Variants in UST observed in about 807,000 individuals in gnomAD.
UST encodes uronyl 2-sulfotransferase.
In UST, 21 loss-of-function variants were observed where a neutral mutation model predicts 45.6. The observed-to-expected ratio is 0.46, with a 90% CI of 0.33 to 0.66. The LOEUF (loss-of-function observed/expected upper bound fraction) is 0.66. Ranked by LOEUF, UST falls within the 30% of genes least tolerant of loss-of-function variation. The pLI is 0.02. For missense variants in UST, 463 were observed against 512.4 expected, an observed-to-expected ratio of 0.90 and a Z score of 0.93; for synonymous variants, 215 against 200.6, an observed-to-expected ratio of 1.07 and a Z score of -0.61.
intron 1 of UST, among the ~76,000 whole-genome samples, chr6:148,824,531 T>A (rs897324051): frequency 6.6e-6 from 1 of 152,104 alleles, no homozygotes; most frequent in Non-Finnish European, 1.5e-5. Flanking sequence ...TTCTGACACA[T>A]CCAATCACCA....
At chr6:149,012,251 C>G (rs1034440262) in intron 5 of UST, among the ~76,000 whole-genome samples, 6 of 152,188 alleles carry the variant, frequency 3.9e-5, no homozygotes, top group Non-Finnish European at 7.4e-5. Flanking sequence ...CTGCCACTTT[C>G]CAATCCATTA....
At chr6:148,924,434 A>G (rs561548346) in intron 2 of UST, among the ~76,000 whole-genome samples, 5 of 152,160 alleles carry the variant, frequency 3.3e-5, no homozygotes, top group Admixed American at 2.0e-4. Context: ...CCTCGGGCAC[A>G]CAGTAGGAAG....
At chr6:148,951,540 G>A (rs2114936503) in intron 3 of UST, among the ~76,000 whole-genome samples, 1 of 152,288 alleles carries the variant, frequency 6.6e-6, no homozygotes, top group East Asian at 1.9e-4. Flanking sequence ...GCTCGTTGGT[G>A]ATTTTAGGTG....
intron 7 of UST, among the ~76,000 whole-genome samples, chr6:149,041,086 C>CACG (rs1415014894): frequency 6.6e-6 from 1 of 152,200 alleles, no homozygotes; most frequent in Admixed American, 6.5e-5. Context: ...AAAGAAATTT[C>CACG]CTGAGGGAGA....
intron 7 of UST, among the ~76,000 whole-genome samples, chr6:149,071,521 T>C (rs956906373): frequency 1.3e-5 from 2 of 152,094 alleles, no homozygotes; most frequent in African/African-American, 4.8e-5. Flanking sequence ...GATAAAATGG[T>C]CTCCATTACA....
intron 5 of UST, among the ~76,000 whole-genome samples, chr6:149,011,036 G>A (rs893242637): frequency 2.0e-5 from 3 of 151,672 alleles, no homozygotes; most frequent in African/African-American, 7.3e-5. Context: ...AAGTGTTTCA[G>A]TTTCAGAATT....
intron 2 of UST, among the ~76,000 whole-genome samples, chr6:148,887,677 A>G (rs1180444711): frequency 6.6e-6 from 1 of 152,240 alleles, no homozygotes; most frequent in Non-Finnish European, 1.5e-5. Flanking sequence ...CATGCAATGC[A>G]ATTACCCTTT....
chr6:148,837,864 AG>A (rs2114768063), intron 1 of UST, among the ~76,000 whole-genome samples: 2 of 152,092 alleles, frequency 1.3e-5, no homozygotes, highest in South Asian at 4.2e-4. Flanking sequence ...CACCATGCCC[AG>A]CTAAATTTTG....
At chr6:149,045,238 A>AT (rs1776381280) in intron 7 of UST, among the ~76,000 whole-genome samples, 1 of 152,168 alleles carries the variant, frequency 6.6e-6, no homozygotes, top group African/African-American at 2.4e-5. Flanking sequence ...GAAATTTGTC[A>AT]TTTTTTGTGA....
chr6:148,905,409 A>G (rs1275520273), intron 2 of UST, among the ~76,000 whole-genome samples: 3 of 152,122 alleles, frequency 2.0e-5, no homozygotes, highest in Admixed American at 1.3e-4. Context: ...CTTGACCTTC[A>G]GCTCCCCTTC....
At chr6:149,035,583 G>A (rs1776229281) in intron 7 of UST, among the ~76,000 whole-genome samples, 1 of 151,804 alleles carries the variant, frequency 6.6e-6, no homozygotes, top group Non-Finnish European at 1.5e-5. Flanking sequence ...GGTGAAACCT[G>A]TCTCTACAAA....
intron 1 of UST, among the ~76,000 whole-genome samples, chr6:148,817,766 G>C (rs947913362): frequency 3.9e-5 from 6 of 152,232 alleles, no homozygotes; most frequent in Admixed American, 2.0e-4. Context: ...CCTAAGGTCT[G>C]TGTTGAGATG....
chr6:148,968,838 CCATCCT>C (rs1488678192), intron 5 of UST, among the ~76,000 whole-genome samples: 3 of 152,332 alleles, frequency 2.0e-5, no homozygotes, highest in African/African-American at 7.2e-5. Flanking sequence ...CTTCACTAGG[CCATCCT>C]CCATTTGAAG....
intron 1 of UST, among the ~76,000 whole-genome samples, chr6:148,871,117 C>CCTCTCTTCTCT (rs1778544076): frequency 1.0e-5 from 1 of 97,586 alleles, no homozygotes; most frequent in Non-Finnish European, 1.9e-5. Context: ...GCATTCTCTC[C>CCTCTCTTCTCT]CTCTCTCTCT....
intron 1 of UST, among the ~76,000 whole-genome samples, chr6:148,875,069 A>G (rs1409196265): frequency 1.3e-5 from 2 of 152,254 alleles, no homozygotes; most frequent in Admixed American, 6.5e-5. Flanking sequence ...GCTTATGATT[A>G]TGATTTGAAA....
intron 2 of UST, among the ~76,000 whole-genome samples, chr6:148,919,413 G>A (rs1029570243): frequency 5.7e-5 from 7 of 122,426 alleles, no homozygotes; most frequent in Admixed American, 2.5e-4. Flanking sequence ...CTCAGTGTCA[G>A]AGCCGTGTGT....
intron 2 of UST, among the ~76,000 whole-genome samples, chr6:148,915,554 A>G (rs1448165715): frequency 6.6e-6 from 1 of 152,232 alleles, no homozygotes; most frequent in African/African-American, 2.4e-5. Context: ...AATGTTGGAA[A>G]GTCAGGATTC....
At chr6:148,879,956 T>TTTTTTTCTTTTC (rs1554222858) in intron 1 of UST, among the ~76,000 whole-genome samples, 2 of 148,774 alleles carry the variant, frequency 1.3e-5, no homozygotes, top group East Asian at 3.9e-4. Context: ...TTTTTTCTTT[T>TTTTTTTCTTTTC]TTTTTTTTTT....
chr6:149,033,506 T>G (rs1020457067), intron 7 of UST, among the ~76,000 whole-genome samples: 2 of 152,254 alleles, frequency 1.3e-5, no homozygotes, highest in African/African-American at 4.8e-5. Flanking sequence ...GCTAGAAATA[T>G]ACCTGTGTAT....
Sources: gnomAD v4.1 joint callset for allele counts (sites outside exome capture counted in the v4.1 genomes callset) on GRCh38, gnomAD v4.1.1 for gene constraint, MANE v1.5 for transcripts, NCBI Gene and HGNC (gene_info 2026-07-23, HGNC 2026-07-21) for gene names.